VAMP7: variants seen among roughly 807,000 people sequenced by gnomAD.
The protein encoded by VAMP7 is vesicle associated membrane protein 7.
Under a neutral mutation model 29.6 loss-of-function variants are expected in VAMP7, and 14 were observed. The observed-to-expected ratio is 0.47, with a 90% CI of 0.31 to 0.74. The LOEUF (loss-of-function observed/expected upper bound fraction) is 0.74, where lower values mean the gene tolerates loss of function less well. Ranked by LOEUF, VAMP7 falls within the 30% of genes least tolerant of loss-of-function variation. VAMP7 has a pLI of 0.05. For missense variants in VAMP7, 223 were observed against 262.4 expected, an observed-to-expected ratio of 0.85 and a Z score of 1.04; for synonymous variants, 95 against 88.1, an observed-to-expected ratio of 1.08 and a Z score of -0.44.
intron 6 of VAMP7, among the ~76,000 whole-genome samples, chrX:155,936,978 G>A (rs1327369521): frequency 6.6e-6 from 1 of 152,012 alleles, no homozygotes; most frequent in South Asian, 2.1e-4. Context: ...ACAAATCAAT[G>A]GAAAGATACC....
intron 2 of VAMP7, among the ~76,000 whole-genome samples, chrX:155,891,129 C>T (rs1411022686): frequency 1.3e-5 from 2 of 152,198 alleles, no homozygotes; most frequent in African/African-American, 4.8e-5. Flanking sequence ...CCACTTACAT[C>T]TTACTGTTCA....
At chrX:155,910,497 G>A (rs1301820583) in intron 5 of VAMP7, among the ~76,000 whole-genome samples, 1 of 151,692 alleles carries the variant, frequency 6.6e-6, no homozygotes, top group Non-Finnish European at 1.5e-5. Flanking sequence ...GGATCATATG[G>A]TAGTTTAATT....
chrX:155,911,917 A>G (rs2066243213), intron 5 of VAMP7, among the ~76,000 whole-genome samples: 1 of 152,088 alleles, frequency 6.6e-6, no homozygotes, highest in Non-Finnish European at 1.5e-5. Flanking sequence ...GGATAATTTG[A>G]CATCCTCTTT....
chrX:155,915,578 G>A (rs1203857050), intron 5 of VAMP7, among the ~76,000 whole-genome samples: 2 of 151,864 alleles, frequency 1.3e-5, no homozygotes, highest in African/African-American at 4.8e-5. Context: ...TATTCTCATT[G>A]GTTTCAAAAA....
chrX:155,919,597 G>A (rs1248503664), intron 5 of VAMP7, among the ~76,000 whole-genome samples: 1 of 152,094 alleles, frequency 6.6e-6, no homozygotes, highest in Non-Finnish European at 1.5e-5. Context: ...GTGGCTTAGG[G>A]TGTAGTTGTT....
At chrX:155,909,507 A>G (rs1323941723) in intron 5 of VAMP7, among the ~76,000 whole-genome samples, 9 of 151,718 alleles carry the variant, frequency 5.9e-5, no homozygotes. Flanking sequence ...TTTCCTTCCC[A>G]CTGCTAGCTT....
rs1447081421 is a variant in VAMP7, at chrX:155,925,024, A to G, written c.501+5144A>G. On this transcript the variant is annotated intron_variant, in intron 6 of 7. Transcript: ENST00000286448. ...ATGCATAAGAAACAACTCCTCATTC[A>G]TTAAAGTTTTATCAAGAAACTGCAG... is the stretch of plus-strand genomic sequence containing the variant. Among the ~76,000 whole-genome samples, 3 of 152,210 alleles carry G rather than the reference A, an allele frequency of 2.0e-5. No individual in the cohort carries two copies. The East Asian group carries it at 5.8e-4, about 29-fold the overall frequency.
intron 6 of VAMP7, among the ~76,000 whole-genome samples, chrX:155,921,585 T>C (rs918807026): frequency 2.0e-5 from 3 of 152,100 alleles, no homozygotes; most frequent in Non-Finnish European, 4.4e-5. Flanking sequence ...ATTATTCCAT[T>C]ATACAAATCT....
chrX:155,919,688 G>A, intron 5 of VAMP7, 125 bp from the exon 6 acceptor site: 3 of 804,982 alleles, frequency 3.7e-6, no homozygotes, highest in Non-Finnish European at 6.1e-6. Context: ...TCACCAGTGG[G>A]TGAAGCATGC....
chrX:155,938,429 G>T (rs1182149265), intron 6 of VAMP7, among the ~76,000 whole-genome samples: 1 of 152,150 alleles, frequency 6.6e-6, no homozygotes, highest in African/African-American at 2.4e-5. Context: ...TATGGTTAAG[G>T]GAGTGGATTT....
chrX:155,886,451 T>C (rs1182341505), intron 1 of VAMP7, among the ~76,000 whole-genome samples: 18 of 152,202 alleles, frequency 1.2e-4, no homozygotes, highest in Non-Finnish European at 4.4e-5. Flanking sequence ...ACTGCTTTTA[T>C]TGGAAGAAAC....
chrX:155,932,475 G>A (rs2066575461), intron 6 of VAMP7, among the ~76,000 whole-genome samples: 1 of 152,120 alleles, frequency 6.6e-6, no homozygotes, highest in African/African-American at 2.4e-5. Context: ...AAGCAATTGT[G>A]AATGGGAGTT....
chrX:155,934,216 C>A (rs915860497), intron 6 of VAMP7, among the ~76,000 whole-genome samples: 2 of 152,126 alleles, frequency 1.3e-5, no homozygotes, highest in African/African-American at 4.8e-5. Context: ...TCTGTTAGGT[C>A]CGCTTGGTGC....
At chrX:155,914,784 T>C (rs747168640) in intron 5 of VAMP7, among the ~76,000 whole-genome samples, 1 of 152,306 alleles carries the variant, frequency 6.6e-6, no homozygotes, top group African/African-American at 2.4e-5. Context: ...TTGAGGATTT[T>C]CGCATCAGTG....
intron 5 of VAMP7, among the ~76,000 whole-genome samples, chrX:155,908,207 C>T (rs1038934665): frequency 2.0e-5 from 3 of 152,172 alleles, no homozygotes; most frequent in Non-Finnish European, 4.4e-5. Flanking sequence ...CCAAGGCAGG[C>T]GGCTGGGAGG....
intron 6 of VAMP7, among the ~76,000 whole-genome samples, chrX:155,939,139 G>A (rs188794869): frequency 6.6e-6 from 1 of 152,060 alleles, no homozygotes; most frequent in African/African-American, 2.4e-5. Flanking sequence ...TTGTTGGTTG[G>A]TTGTTTGCCA....
At chrX:155,936,290 C>G (rs1471878679) in intron 6 of VAMP7, among the ~76,000 whole-genome samples, 1 of 152,150 alleles carries the variant, frequency 6.6e-6, no homozygotes, top group African/African-American at 2.4e-5. Context: ...ATGCCCTGCC[C>G]CCAGAGGTGG....
chrX:155,915,000 T>C (rs28841681), intron 5 of VAMP7, among the ~76,000 whole-genome samples: 5,701 of 152,226 alleles, frequency 0.037, 261 homozygotes, highest in African/African-American at 0.11. Flanking sequence ...CCTGGACCTT[T>C]TTTGTTTGGT....
In VAMP7 at chrX:155,908,798, T is replaced by C. The variant is rs369620778; in HGVS notation, c.433+8211T>C. ...TGTGTGAAGCTTTTTTGTTTTTGTT[T>C]TTGTTTTTTGAGATGGGGTCTGTCT... is the stretch of plus-strand genomic sequence containing the variant. On this transcript the variant is annotated intron_variant, in intron 5 of 7. Transcript: ENST00000286448. 6.9e-4 allele frequency among the ~76,000 whole-genome samples: 105 copies of C among 152,190 alleles called. 5 individuals carry two copies. In the South Asian group the frequency reaches 0.018, roughly 26 times the overall value.
Sources: allele counts gnomAD v4.1 joint callset (sites outside exome capture counted in the v4.1 genomes callset), GRCh38; gene constraint gnomAD v4.1.1; transcripts MANE v1.5; gene names NCBI Gene and HGNC (gene_info 2026-07-23, HGNC 2026-07-21).